The following EPHB1 variants were observed in gnomAD, a reference collection of about 807,000 sequenced individuals.
EPHB1 encodes EPH receptor B1, also known as ephrin type-B receptor 1.
Under a neutral mutation model 94.4 loss-of-function variants are expected in EPHB1, and 30 were observed. The observed-to-expected ratio is 0.32, with a 90% CI of 0.24 to 0.43. The LOEUF is 0.43. Ranked by LOEUF, EPHB1 falls within the 20% of genes least tolerant of loss-of-function variation. The pLI is 1.00. For missense variants in EPHB1, 1,055 were observed against 1,308.3 expected, an observed-to-expected ratio of 0.81 and a Z score of 2.99; for synonymous variants, 522 against 489.1, an observed-to-expected ratio of 1.07 and a Z score of -0.89.
In EPHB1 at chr3:135,259,140, A is replaced by G. The variant is rs1479856925; in HGVS notation, c.*20A>G. The G allele has an allele frequency of 6.3e-7, 1 of 1,584,318 alleles. No homozygotes were observed. The highest frequency in any genetic ancestry group is 8.6e-7 in the Non-Finnish European group (1 of 1,161,438). On this transcript the variant is annotated 3_prime_UTR_variant, in exon 16 of 16. Coordinates refer to ENST00000398015, the MANE Select transcript of EPHB1 (RefSeq NM_004441.5). ...GCATGAGAACTCTTGTTTCTTGGGG[A>G]AGGAGAGGAGGGAAAAGGACCAGGG... is the stretch of plus-strand genomic sequence containing the variant.
At chr3:134,955,887 T>C (rs1158508271) in intron 3 of EPHB1, among the ~76,000 whole-genome samples, 1 of 152,156 alleles carries the variant, frequency 6.6e-6, no homozygotes, top group East Asian at 1.9e-4. Flanking sequence ...GTGTAGAGGA[T>C]TAATGAGAAA....
chr3:135,098,606 G>C (rs1449420766), intron 3 of EPHB1, among the ~76,000 whole-genome samples: 1 of 151,764 alleles, frequency 6.6e-6, no homozygotes, highest in Non-Finnish European at 1.5e-5. Context: ...TCCCACACCT[G>C]CTTGCTTTTT....
At chr3:135,043,800 G>C (rs967775306) in intron 3 of EPHB1, among the ~76,000 whole-genome samples, 1 of 152,194 alleles carries the variant, frequency 6.6e-6, no homozygotes, top group African/African-American at 2.4e-5. Context: ...GTTAGTGCTT[G>C]GGAAGGAAGA....
At chr3:134,903,222 C>G (rs2038240712) in intron 1 of EPHB1, among the ~76,000 whole-genome samples, 1 of 152,228 alleles carries the variant, frequency 6.6e-6, no homozygotes, top group Non-Finnish European at 1.5e-5. Context: ...CTGGGGACAA[C>G]AAAGAGCTTA....
At chr3:134,973,425 CTTTTTT>C (rs10664147) in intron 3 of EPHB1, among the ~76,000 whole-genome samples, 1 of 91,012 alleles carries the variant, frequency 1.1e-5, no homozygotes, top group Non-Finnish European at 2.0e-5. Flanking sequence ...GTCTTCTAGT[CTTTTTT>C]TTTTTTTTTT....
intron 12 of EPHB1, among the ~76,000 whole-genome samples, chr3:135,217,424 CCACACACA>C (rs200312241): frequency 0.31 from 45,094 of 143,306 alleles, 7,075 homozygotes; most frequent in Middle Eastern, 0.45. Flanking sequence ...CCCATCAGTA[CCACACACA>C]CACACACACA....
chr3:134,884,528 G>T (rs1451035121), intron 1 of EPHB1, among the ~76,000 whole-genome samples: 1 of 152,160 alleles, frequency 6.6e-6, no homozygotes, highest in Non-Finnish European at 1.5e-5. Flanking sequence ...AGAGAATATG[G>T]TGGCTTATAA....
chr3:134,885,875 G>T (rs146694112), intron 1 of EPHB1, among the ~76,000 whole-genome samples: 2 of 152,174 alleles, frequency 1.3e-5, no homozygotes, highest in African/African-American at 2.4e-5. Flanking sequence ...GTGCGTGTGA[G>T]CCTGAAGATG....
intron 12 of EPHB1, among the ~76,000 whole-genome samples, chr3:135,238,162 A>C (rs1438366070): frequency 6.6e-6 from 1 of 152,198 alleles, no homozygotes. Flanking sequence ...AGATGGAAGG[A>C]AGGTTTAAAA....
chr3:134,884,555 G>A (rs981527391), intron 1 of EPHB1, among the ~76,000 whole-genome samples: 2 of 152,142 alleles, frequency 1.3e-5, no homozygotes, highest in Non-Finnish European at 2.9e-5. Context: ...GGGATTCAAA[G>A]ACTTAATGAG....
chr3:134,888,448 G>A (rs539533234), intron 1 of EPHB1, among the ~76,000 whole-genome samples: 30 of 152,238 alleles, frequency 2.0e-4, no homozygotes, highest in South Asian at 6.2e-4. Flanking sequence ...GGTGGCTCAC[G>A]CCTGTAATCC....
intron 15 of EPHB1, among the ~76,000 whole-genome samples, chr3:135,251,054 T>G (rs1339864263): frequency 6.7e-6 from 1 of 149,680 alleles, no homozygotes; most frequent in African/African-American, 2.4e-5. Context: ...TGAGGTCTAT[T>G]TTTTTTTTTT....
rs772278007 is a variant in EPHB1, at chr3:135,241,234, G to T, written c.2433G>T (p.Gly811=). 6.2e-7 allele frequency: 1 copy of T among 1,614,228 alleles called. No individual in the cohort carries two copies. Among genetic ancestry groups the T allele is most frequent in the South Asian group, 1.1e-5 (1 of 91,080 alleles). ...FTSASDVWSY[G]IVMWEVMSFG... ...CAGCCAGCGACGTTTGGAGCTATGGGATCGTCATGTGGGAAGTCATGTCAT... is the reference window on the plus strand; with the variant it reads ...CAGCCAGCGACGTTTGGAGCTATGGTATCGTCATGTGGGAAGTCATGTCAT... Residue 811 remains glycine, a synonymous_variant, in exon 13 of 16, where the codon GGG becomes GGT. Coordinates refer to ENST00000398015, the MANE Select transcript of EPHB1 (RefSeq NM_004441.5).
At chr3:135,182,354 G>C (rs1209765564) in intron 10 of EPHB1, among the ~76,000 whole-genome samples, 1 of 152,218 alleles carries the variant, frequency 6.6e-6, no homozygotes, top group East Asian at 1.9e-4. Flanking sequence ...GAAAAGAAGA[G>C]TCGGAAGTCC....
At chr3:134,825,319 C>A (rs2036457100) in intron 1 of EPHB1, among the ~76,000 whole-genome samples, 1 of 152,178 alleles carries the variant, frequency 6.6e-6, no homozygotes, top group South Asian at 2.1e-4. Flanking sequence ...GTCAATCAGG[C>A]CAGGTCTATT....
In EPHB1 at chr3:135,212,291, G is replaced by A. The variant is rs1429194631; in HGVS notation, c.2346+10602G>A. Among the ~76,000 whole-genome samples, 3 of 152,048 alleles carry A rather than the reference G, an allele frequency of 2.0e-5. No homozygotes were observed. The East Asian group carries it at 5.8e-4, about 29-fold the overall frequency. The stretch of plus-strand genomic sequence containing the variant: ...AATCTTTGATAATGTTAACATCTGG[G>A]TGGTCCTGGGATTAGCATCTTATTT... On this transcript the variant is annotated intron_variant, in intron 12 of 15. Coordinates refer to ENST00000398015, the MANE Select transcript of EPHB1 (RefSeq NM_004441.5).
At chr3:134,904,576 G>A (rs993487394) in intron 1 of EPHB1, among the ~76,000 whole-genome samples, 1 of 152,132 alleles carries the variant, frequency 6.6e-6, no homozygotes, top group Admixed American at 6.5e-5. Flanking sequence ...CTGAGCCAGC[G>A]GATGGTTTGA....
chr3:135,244,654 C>CA (rs1407967374), intron 13 of EPHB1, among the ~76,000 whole-genome samples: 16 of 152,290 alleles, frequency 1.1e-4, no homozygotes, highest in African/African-American at 3.6e-4. Context: ...GCTAGTGAGG[C>CA]AAGTGTGACA....
intron 1 of EPHB1, among the ~76,000 whole-genome samples, chr3:134,861,221 G>A (rs2037249976): frequency 6.6e-6 from 1 of 152,166 alleles, no homozygotes; most frequent in Admixed American, 6.6e-5. Flanking sequence ...GAAATATGAA[G>A]AGATGTCAAG....
Sources: allele counts gnomAD v4.1 joint callset (sites outside exome capture counted in the v4.1 genomes callset), GRCh38; gene constraint gnomAD v4.1.1; transcripts MANE v1.5; gene names NCBI Gene and HGNC (gene_info 2026-07-23, HGNC 2026-07-21).